The following ZHX1 variants were observed in gnomAD, a reference collection of about 807,000 sequenced individuals.
ZHX1 encodes the protein zinc fingers and homeoboxes 1.
In ZHX1, 20 loss-of-function variants were observed where a neutral mutation model predicts 61.8. That is an observed-to-expected ratio of 0.32 (90% CI 0.23 to 0.47). The LOEUF (loss-of-function observed/expected upper bound fraction) is 0.47, where lower values mean the gene tolerates loss of function less well. Among genes scored for constraint, ZHX1 ranks in the 20% least tolerant of loss-of-function variants. ZHX1 has a pLI of 1.00. For synonymous variants in ZHX1, 318 were observed against 352.6 expected (o/e 0.90, Z 1.10); for missense variants, 800 against 1,034.8 (o/e 0.77, Z 3.11).
Position 123,262,497 on chromosome 8 carries a change from T to C in ZHX1, c.-226+4776A>G, listed in dbSNP as rs1826305894. Among the ~76,000 whole-genome samples, 3 of 152,230 alleles carry C rather than the reference T, an allele frequency of 2.0e-5. No individual in the cohort carries two copies. In the South Asian group the frequency reaches 6.2e-4, roughly 31 times the overall value. On this transcript the variant is annotated intron_variant, in intron 2 of 3. Coordinates refer to ENST00000395571, the MANE Select transcript of ZHX1 (RefSeq NM_007222.5). The stretch of plus-strand genomic sequence containing the variant: ...TTATGTGTGATATTCACAAGTTTTC[T>C]TTTTCTTTTGCTTTGTTTTTTTCCT...
chr8:123,254,084 TTTC>T lies in ZHX1; in HGVS notation c.1860_1862del (p.Lys621del), dbSNP rs749873106. On this transcript the variant is annotated inframe_deletion, in exon 3 of 4. Coordinates refer to ENST00000395571, the MANE Select transcript of ZHX1 (RefSeq NM_007222.5). The surrounding 1 kb of genome is among the most constrained non-coding windows in gnomAD (Gnocchi z 4.1). ...TTTTCTCTTCCTTTAAAGCTTTTGA[TTTC>T]TTCTTCTCTGTAAACCAAGCATCGA... 1.1e-5 allele frequency: 17 copies of T among 1,614,018 alleles called. No individual in the cohort carries two copies. Among genetic ancestry groups the T allele is most frequent in the Non-Finnish European group, 1.4e-5 (16 of 1,180,024 alleles).
At chr8:123,266,252 C>T (rs1228323435) in intron 2 of ZHX1, among the ~76,000 whole-genome samples, 1 of 152,156 alleles carries the variant, frequency 6.6e-6, no homozygotes, top group East Asian at 1.9e-4. Context: ...AAGTCTTTTA[C>T]AGCCAGTCTA....
intron 1 of ZHX1, among the ~76,000 whole-genome samples, chr8:123,267,788 G>A (rs1447735218): frequency 6.6e-6 from 1 of 152,132 alleles, no homozygotes; most frequent in Non-Finnish European, 1.5e-5. Context: ...GATCACCTGA[G>A]GTTGGGAGTT....
chr8:123,269,444 A>AT (rs1295572958), intron 1 of ZHX1, among the ~76,000 whole-genome samples: 3 of 152,146 alleles, frequency 2.0e-5, no homozygotes, highest in Admixed American at 2.0e-4. Flanking sequence ...AATTCAAAGT[A>AT]TTTTTCTTAA....
intron 2 of ZHX1, among the ~76,000 whole-genome samples, chr8:123,261,049 T>C (rs1826239577): frequency 6.6e-6 from 1 of 152,136 alleles, no homozygotes; most frequent in Non-Finnish European, 1.5e-5. Flanking sequence ...CTTGCTATAA[T>C]CCACTGTCAG....
Position 123,254,015 on chromosome 8 carries a change from A to G in ZHX1, c.1932T>C (p.Ala644=). 1 of 1,614,124 alleles carries G rather than the reference A, an allele frequency of 6.2e-7. No homozygotes were observed. Among genetic ancestry groups the G allele is most frequent in the Non-Finnish European group, 8.5e-7 (1 of 1,180,022 alleles). ...ESNAGSSKEE[A]GETSPADESG... ...ATTCATCTGCAGGAGAAGTTTCTCCAGCTTCTTCTTTGGAACTACCTGCAT... is the reference window on the plus strand; with the variant it reads ...ATTCATCTGCAGGAGAAGTTTCTCCGGCTTCTTCTTTGGAACTACCTGCAT... Residue 644 remains alanine (A), a synonymous_variant, in exon 3 of 4, where the codon GCT becomes GCC. Coordinates refer to ENST00000395571, the MANE Select transcript of ZHX1 (RefSeq NM_007222.5). This position sits in a 1 kb window ranked among gnomAD's most constrained non-coding sequence, Gnocchi z 4.1.
intron 2 of ZHX1, among the ~76,000 whole-genome samples, chr8:123,261,909 T>C (rs1446659663): frequency 6.6e-6 from 1 of 152,208 alleles, no homozygotes; most frequent in Non-Finnish European, 1.5e-5. Flanking sequence ...AGGATGTCGT[T>C]CCTATTCATC....
chr8:123,269,278 C>T (rs564170571), intron 1 of ZHX1, among the ~76,000 whole-genome samples: 17 of 152,164 alleles, frequency 1.1e-4, no homozygotes, highest in African/African-American at 3.4e-4. Flanking sequence ...GATATTTTAC[C>T]GAATGAGTCT....
intron 2 of ZHX1, among the ~76,000 whole-genome samples, chr8:123,265,255 T>C (rs1826419799): frequency 1.3e-5 from 2 of 151,672 alleles, no homozygotes; most frequent in African/African-American, 2.4e-5. Flanking sequence ...AATTTTGATG[T>C]AGCATCAAAA....
At chr8:123,257,349 T>A (rs1041982023) in intron 2 of ZHX1, 4 of 152,262 alleles carry the variant, frequency 2.6e-5, no homozygotes, top group Non-Finnish European at 5.9e-5. Flanking sequence ...GTGGGACATA[T>A]AATCCCTTTC....
Position 123,255,827 on chromosome 8 carries a change from G to GT in ZHX1, c.119dup (p.Asn40LysfsTer10), listed in dbSNP as rs1826054794. 6.2e-7 allele frequency: 1 copy of GT among 1,614,036 alleles called. No homozygotes were observed. Among genetic ancestry groups the GT allele is most frequent in the East Asian group, 2.2e-5 (1 of 44,900 alleles). On this transcript the variant is annotated frameshift_variant, in exon 3 of 4. Transcript: ENST00000395571. LOFTEE classifies it high-confidence loss of function. ...CACTTGAGATACTCTCTGCTCTGGT[G>GT]TTTTCTACAGGTGTAAGCACAGGAG...
In ZHX1 at chr8:123,253,433, TTCC is replaced by T. The variant is rs1825973201; in HGVS notation, c.2511_2513del (p.Glu838del). The T allele has an allele frequency of 1.2e-6, 2 of 1,614,128 alleles. No homozygotes were observed. Among genetic ancestry groups the T allele is most frequent in the South Asian group, 1.1e-5 (1 of 91,084 alleles). On this transcript the variant is annotated inframe_deletion, in exon 3 of 4. Coordinates refer to ENST00000395571, the MANE Select transcript of ZHX1 (RefSeq NM_007222.5). The stretch of plus-strand genomic sequence containing the variant: ...CTTCCTGGTCATCAATAACTTCATC[TTCC>T]TCCTCATTTTCCTCAAATAATTCTA...
At position 123,250,231 on chromosome 8, in the gene ZHX1, C is replaced by T. The variant is rs1379231877; in HGVS notation, c.*93G>A. ...CTTTTTGAGTGTGTATGCCCCAAAA[C>T]GTTTTCAATGTCATCAAAGATTGGG... On this transcript the variant is annotated 3_prime_UTR_variant, in exon 4 of 4. Transcript: ENST00000395571. 3 of 453,814 alleles carry T rather than the reference C, an allele frequency of 6.6e-6. No individual in the cohort carries two copies. Among genetic ancestry groups the T allele is most frequent in the East Asian group, 1.4e-4 (2 of 14,234 alleles). 28.1% of individuals were successfully genotyped at this position (453,814 alleles called of 1,614,324 possible). A position where few individuals can be genotyped will look rare whatever the true frequency, so the allele number is the denominator to read the frequency against.
At position 123,273,083 on chromosome 8, in the gene ZHX1, T is replaced by C. The variant is rs1281348028; in HGVS notation, c.-340+1134A>G. On this transcript the variant is annotated intron_variant, in intron 1 of 3. Transcript: ENST00000395571. ...CTCTTTTCTCATCCCTAGTCTCTGT[T>C]CTAATTCCCCCGCCTGCTGTCTCTC... Among the ~76,000 whole-genome samples, 6 of 152,278 alleles carry C rather than the reference T, an allele frequency of 3.9e-5. No homozygotes were observed. In the South Asian group the frequency reaches 8.3e-4, roughly 21 times the overall value.
rs1826056153 is a variant in ZHX1 at position 123,255,855 on chromosome 8, C to T, written c.92G>A (p.Gly31Asp). 6.2e-7 allele frequency: 1 copy of T among 1,614,150 alleles called. No individual in the cohort carries two copies. The highest frequency in any genetic ancestry group is 2.2e-5 in the East Asian group (1 of 44,890). ...DLELISDLDEGPPVLTPVENT... is the reference protein window; with the variant it reads ...DLELISDLDEDPPVLTPVENT... The stretch of plus-strand genomic sequence containing the variant: ...TTCTACAGGTGTAAGCACAGGAGGA[C>T]CTTCATCCAAATCTGATATCAACTC... The change falls in exon 3 of 4, where the codon GGT becomes GAT. Residue 31 changes from glycine (G) to aspartate (D), a missense_variant. Gly to Asp is a moderately conservative substitution (Grantham distance 94, BLOSUM62 -1). Transcript: ENST00000395571.
chr8:123,249,440 GAC>G lies in ZHX1; in HGVS notation c.*882_*883del, dbSNP rs1825856946. On this transcript the variant is annotated 3_prime_UTR_variant, in exon 4 of 4. Transcript: ENST00000395571. ...AGATAACTCTTAAAAATTCTGATCT[GAC>G]ACCTGTATAAACATTTCTGATTTCC... 3 of 152,100 alleles carry G rather than the reference GAC, an allele frequency of 2.0e-5. No individual in the cohort carries two copies. The highest frequency in any genetic ancestry group is 4.4e-5 in the Non-Finnish European group (3 of 67,986). The allele number at this position is 152,100 out of a possible 1,614,324, so 9.4% of individuals were successfully genotyped here.
Position 123,253,469 on chromosome 8 carries a change from T to A in ZHX1, c.2478A>T (p.Glu826Asp). 6.2e-7 allele frequency: 1 copy of A among 1,614,178 alleles called. No individual in the cohort carries two copies. The highest frequency in any genetic ancestry group is 8.5e-7 in the Non-Finnish European group (1 of 1,180,018). Reference protein sequence around the residue: ...EWFAERQRRSELGIELFEENE... With the variant: ...EWFAERQRRSDLGIELFEENE... The stretch of plus-strand genomic sequence containing the variant: ...TTTCCTCAAATAATTCTATACCTAA[T>A]TCTGATCTTCTCTGTCTTTCTGCAA... The change falls in exon 3 of 4, where the codon GAA (glutamate) becomes GAT (aspartate). Residue 826 changes from glutamate to aspartate, a missense_variant. By Grantham distance (45) the Glu-to-Asp change is conservative (BLOSUM62 2). Coordinates refer to ENST00000395571, the MANE Select transcript of ZHX1 (RefSeq NM_007222.5).
chr8:123,267,893 C>T lies in ZHX1; in HGVS notation c.-339-507G>A, dbSNP rs147949248. Among the ~76,000 whole-genome samples, 1,311 of 152,160 alleles carry T rather than the reference C, an allele frequency of 8.6e-3. 16 individuals carry two copies. The highest frequency in any genetic ancestry group is 0.029 in the African/African-American group (1,223 of 41,504). Reference sequence around the variant, plus strand: ...GCGCATGCCTGTAATCCCAGCTACTCGGGAAGCTGAGGCAGGAGAATCGCT... The same window carrying T: ...GCGCATGCCTGTAATCCCAGCTACTTGGGAAGCTGAGGCAGGAGAATCGCT... On this transcript the variant is annotated intron_variant, in intron 1 of 3. Transcript: ENST00000395571.
chr8:123,273,690 T>C (rs116435144), intron 1 of ZHX1: 3,162 of 152,724 alleles, frequency 0.021, 116 homozygotes, highest in African/African-American at 0.073. Context: ...CTCCTTACTC[T>C]CAGGGAGACT....
Sources: gnomAD v4.1 joint callset for allele counts (sites outside exome capture counted in the v4.1 genomes callset) on GRCh38, gnomAD v4.1.1 for gene constraint, Gnocchi (gnomAD v3.1) non-coding constraint, MANE v1.5 for transcripts, NCBI Gene and HGNC (gene_info 2026-07-23, HGNC 2026-07-21) for gene names.